AGAP1: variants seen among roughly 807,000 people sequenced by gnomAD.
AGAP1 encodes the protein arf-GAP with GTPase, ANK repeat and PH domain-containing protein 1.
AGAP1 carries 29 observed loss-of-function variants against 105.3 expected under a neutral mutation model. That is an observed-to-expected ratio of 0.28 (90% confidence interval 0.21 to 0.38). The LOEUF is 0.38. Ranked by LOEUF, AGAP1 falls within the 10% of genes least tolerant of loss-of-function variation. AGAP1 has a pLI of 1.00. For missense variants in AGAP1, 998 were observed against 1,165.1 expected, an observed-to-expected ratio of 0.86 and a Z score of 2.09; for synonymous variants, 509 against 485.9, an observed-to-expected ratio of 1.05 and a Z score of -0.63.
chr2:235,641,748 A>G (rs1204066560), intron 1 of AGAP1, among the ~76,000 whole-genome samples: 1 of 152,262 alleles, frequency 6.6e-6, no homozygotes, highest in African/African-American at 2.4e-5. Flanking sequence ...ATAGGATATA[A>G]TGGTTGAAGA....
chr2:235,513,412 T>G (rs145275827), intron 1 of AGAP1, among the ~76,000 whole-genome samples: 148 of 150,660 alleles, frequency 9.8e-4, no homozygotes, highest in African/African-American at 3.5e-3. Flanking sequence ...TCCCAGCTAT[T>G]TGGGAGGTTG....
At chr2:235,980,931 A>G (rs750928528) in intron 13 of AGAP1, among the ~76,000 whole-genome samples, 3 of 152,220 alleles carry the variant, frequency 2.0e-5, no homozygotes, top group Non-Finnish European at 4.4e-5. Context: ...AGACAATTAA[A>G]CCAATGTTAC....
chr2:235,539,510 C>T (rs942780690), intron 1 of AGAP1, among the ~76,000 whole-genome samples: 4 of 152,114 alleles, frequency 2.6e-5, no homozygotes, highest in Admixed American at 6.5e-5. Flanking sequence ...CCTTGTTGTG[C>T]GATTATTTTT....
In AGAP1 at chr2:235,747,321, C is replaced by T. The variant is rs907239611; in HGVS notation, c.538+2482C>T. On this transcript the variant is annotated intron_variant, in intron 5 of 17. Transcript: ENST00000304032. This position sits in a 1 kb window ranked among gnomAD's most constrained non-coding sequence, Gnocchi z 5.0. ...AAAAGAAAGTACCCCCATTTATTCC[C>T]ATGAATTCCATGAACATCCGTTGAT... Among the ~76,000 whole-genome samples, 1 of 152,144 alleles carries T rather than the reference C, an allele frequency of 6.6e-6. No homozygotes were observed. The highest frequency in any genetic ancestry group is 2.4e-5 in the African/African-American group (1 of 41,424).
At chr2:235,985,265 C>G (rs1384815677) in intron 13 of AGAP1, among the ~76,000 whole-genome samples, 1 of 152,162 alleles carries the variant, frequency 6.6e-6, no homozygotes, top group Non-Finnish European at 1.5e-5. Flanking sequence ...TGAGAAATGT[C>G]TGTTCATATC....
rs767473414 is a variant in AGAP1 at position 236,080,555 on chromosome 2, G to A, written c.2114+31274G>A. 2.0e-5 allele frequency among the ~76,000 whole-genome samples: 3 copies of A among 152,168 alleles called. No homozygotes were observed. The highest frequency in any genetic ancestry group is 2.1e-4 in the South Asian group (1 of 4,818). Reference sequence around the variant, plus strand: ...CAGCCACCTGCTGTATCTTGTACACGTTTCATCCATCCAGCTTTTAGCCTC... The same window carrying A: ...CAGCCACCTGCTGTATCTTGTACACATTTCATCCATCCAGCTTTTAGCCTC... On this transcript the variant is annotated intron_variant, in intron 16 of 17. Coordinates refer to ENST00000304032, the MANE Select transcript of AGAP1 (RefSeq NM_001037131.3). The surrounding 1 kb of genome is among the most constrained non-coding windows in gnomAD (Gnocchi z 4.2).
chr2:235,841,926 T>C (rs938509539), intron 9 of AGAP1, among the ~76,000 whole-genome samples: 4 of 151,634 alleles, frequency 2.6e-5, no homozygotes, highest in African/African-American at 9.7e-5. Context: ...CTCTGGGAAG[T>C]CTTCCCTACA....
rs1192223712 is a variant in AGAP1 at position 236,044,903 on chromosome 2, G to A, written c.1891+4062G>A. 1.3e-5 allele frequency among the ~76,000 whole-genome samples: 2 copies of A among 152,118 alleles called. No individual in the cohort carries two copies. Among genetic ancestry groups the A allele is most frequent in the East Asian group, 2.0e-4 (1 of 5,128 alleles). ...CAGGGGCGGGTTGAGATGGGGTCTC[G>A]CCCTATAGCCCAGGATGGAGTGCAG... On this transcript the variant is annotated intron_variant, in intron 15 of 17. Coordinates refer to ENST00000304032, the MANE Select transcript of AGAP1 (RefSeq NM_001037131.3). This position sits in a 1 kb window ranked among gnomAD's most constrained non-coding sequence, Gnocchi z 5.7.
At position 235,665,349 on chromosome 2, in the gene AGAP1, C is replaced by T. The variant is rs1948092873; in HGVS notation, c.164-43830C>T. 6.6e-6 allele frequency among the ~76,000 whole-genome samples: 1 copy of T among 152,176 alleles called. No individual in the cohort carries two copies. The highest frequency in any genetic ancestry group is 6.5e-5 in the Admixed American group (1 of 15,288). On this transcript the variant is annotated intron_variant, in intron 1 of 17. Coordinates refer to ENST00000304032, the MANE Select transcript of AGAP1 (RefSeq NM_001037131.3). The surrounding 1 kb of genome is among the most constrained non-coding windows in gnomAD (Gnocchi z 5.3). ...CTGCCAGATCAATGTTCCTGCCCTA[C>T]AGACAGACCATACTTGTCCTTCCTC...
At chr2:235,670,400 G>C in intron 1 of AGAP1, 1 of 568,790 alleles carries the variant, frequency 1.8e-6, no homozygotes, top group Non-Finnish European at 3.2e-6. Context: ...CCGCAGCACC[G>C]GGCAGCTGGA....
chr2:235,958,651 A>G lies in AGAP1; in HGVS notation c.1484-9811A>G, dbSNP rs987432804. ...GTAAGGTTCGATATGGCATCTTGTC[A>G]GCAGAGATAAGTTGTCACGTTTTCC... is the stretch of plus-strand genomic sequence containing the variant. On this transcript the variant is annotated intron_variant, in intron 12 of 17. Coordinates refer to ENST00000304032, the MANE Select transcript of AGAP1 (RefSeq NM_001037131.3). The surrounding 1 kb of genome is among the most constrained non-coding windows in gnomAD (Gnocchi z 4.1). Among the ~76,000 whole-genome samples the G allele has an allele frequency of 2.6e-5, 4 of 152,184 alleles. No homozygotes were observed. Among genetic ancestry groups the G allele is most frequent in the Non-Finnish European group, 5.9e-5 (4 of 68,038 alleles).
chr2:235,709,488 G>A (rs1217425103), intron 2 of AGAP1, among the ~76,000 whole-genome samples: 2 of 152,036 alleles, frequency 1.3e-5, no homozygotes, highest in Admixed American at 6.5e-5. Context: ...GCAGGGCAGA[G>A]GCCATCATCA....
chr2:235,590,684 T>TGTGTGC lies in AGAP1; in HGVS notation c.163+95836_163+95837insTGTGCG, dbSNP rs1424245324. The stretch of plus-strand genomic sequence containing the variant: ...GTTTTAATGTGTGTGTGTGTGTGTG[T>TGTGTGC]GCGTGTGCGTGTGTGTGTGTGTGTG... On this transcript the variant is annotated intron_variant, in intron 1 of 17. Coordinates refer to ENST00000304032, the MANE Select transcript of AGAP1 (RefSeq NM_001037131.3). Among the ~76,000 whole-genome samples, 226 of 102,722 alleles carry TGTGTGC rather than the reference T, an allele frequency of 2.2e-3. 3 individuals are homozygous for TGTGTGC. The East Asian group carries it at 0.028, about 13-fold the overall frequency. The allele number at this position is 102,722 out of a possible 152,430, so 67.4% of individuals were successfully genotyped here.
chr2:236,063,839 T>C (rs966445441), intron 16 of AGAP1, among the ~76,000 whole-genome samples: 10 of 152,358 alleles, frequency 6.6e-5, no homozygotes, highest in African/African-American at 2.4e-4. Flanking sequence ...ATGTCATTTA[T>C]AACTGATACA....
At position 235,557,391 on chromosome 2, in the gene AGAP1, A is replaced by C. The variant is rs556391378; in HGVS notation, c.163+62542A>C. Among the ~76,000 whole-genome samples the C allele has an allele frequency of 3.3e-5, 5 of 152,224 alleles. No homozygotes were observed. In the South Asian group the frequency reaches 1.0e-3, roughly 32 times the overall value. Reference sequence around the variant, plus strand: ...TCCATGTATCGCCGTTGGGAAGGGAAATCACTCCGAAGACGGTGATGCTGG... The same window carrying C: ...TCCATGTATCGCCGTTGGGAAGGGACATCACTCCGAAGACGGTGATGCTGG... On this transcript the variant is annotated intron_variant, in intron 1 of 17. Coordinates refer to ENST00000304032, the MANE Select transcript of AGAP1 (RefSeq NM_001037131.3). This position sits in a 1 kb window ranked among gnomAD's most constrained non-coding sequence, Gnocchi z 4.7.
intron 1 of AGAP1, among the ~76,000 whole-genome samples, chr2:235,510,261 C>T (rs1049281311): frequency 8.5e-5 from 13 of 152,304 alleles, no homozygotes; most frequent in Non-Finnish European, 1.3e-4. Flanking sequence ...TCCACGAAAC[C>T]GGTCCCTGAT....
chr2:235,738,746 C>T (rs1336380345), intron 3 of AGAP1, among the ~76,000 whole-genome samples: 2 of 151,980 alleles, frequency 1.3e-5, no homozygotes, highest in East Asian at 1.9e-4. Flanking sequence ...TTAGTAGAGA[C>T]AGGGTTTCAC....
At chr2:235,538,568 TCTC>T (rs1336755178) in intron 1 of AGAP1, among the ~76,000 whole-genome samples, 2 of 151,896 alleles carry the variant, frequency 1.3e-5, no homozygotes, top group African/African-American at 4.8e-5. Context: ...CGCCTTGCTG[TCTC>T]CTCCTTGTTG....
chr2:235,537,965 A>G (rs559381620), intron 1 of AGAP1, among the ~76,000 whole-genome samples: 14 of 152,118 alleles, frequency 9.2e-5, no homozygotes, highest in Non-Finnish European at 4.4e-5. Context: ...TTTTGTACCA[A>G]CCGTACTAAG....
Sources: allele counts gnomAD v4.1 joint callset (sites outside exome capture counted in the v4.1 genomes callset), GRCh38; gene constraint gnomAD v4.1.1; non-coding constraint Gnocchi (gnomAD v3.1); transcripts MANE v1.5; gene names NCBI Gene and HGNC (gene_info 2026-07-23, HGNC 2026-07-21).